The following HERC1 variants were observed in gnomAD, a reference collection of about 807,000 sequenced individuals.
HERC1 encodes the protein HECT and RLD domain containing E3 ubiquitin protein ligase family member 1.
HERC1 carries 160 observed loss-of-function variants against 554.3 expected under a neutral mutation model. That is an observed-to-expected ratio of 0.29 (90% CI 0.25 to 0.33). HERC1 has a LOEUF of 0.33. HERC1 is among the 10% of genes least tolerant of loss of function. The pLI is 1.00. For synonymous variants in HERC1, 2,175 were observed against 2,131.7 expected (o/e 1.02, Z -0.56); for missense variants, 4,919 against 5,918.5 (o/e 0.83, Z 5.54).
rs992901474 is a variant in HERC1 at position 63,718,186 on chromosome 15, T to C, written c.3978+388A>G. Among the ~76,000 whole-genome samples the C allele has an allele frequency of 2.6e-5, 4 of 152,064 alleles. No individual in the cohort carries two copies. Among genetic ancestry groups the C allele is most frequent in the Non-Finnish European group, 5.9e-5 (4 of 68,006 alleles). On this transcript the variant is annotated intron_variant, in intron 21 of 77. Transcript: ENST00000443617. This position sits in a 1 kb window ranked among gnomAD's most constrained non-coding sequence, Gnocchi z 4.2. ...TTTTTGATACTTTCTAGTCCTTCTA[T>C]GACATAATTTTTGGACTTTATCAAT...
In HERC1 at chr15:63,626,121, T is replaced by C. The variant is rs2068291084; in HGVS notation, c.13139A>G (p.Asp4380Gly). The change falls in exon 71 of 78, where the codon GAC becomes GGC. Residue 4380 changes from aspartate (D) to glycine (G), a missense_variant. Coordinates refer to ENST00000443617, the MANE Select transcript of HERC1 (RefSeq NM_003922.4). ...CGCCCCATACTGGGGGGGCACTGTG[T>C]CAGGCAGGCCCAGCTGCAGAGGTAC... Reference protein sequence around the residue: ...VSVPLQLGLPDTVPPQYGALR... With the variant: ...VSVPLQLGLPGTVPPQYGALR... 6.2e-7 allele frequency: 1 copy of C among 1,613,698 alleles called. No homozygotes were observed. Among genetic ancestry groups the C allele is most frequent in the Non-Finnish European group, 8.5e-7 (1 of 1,179,782 alleles).
rs1194618284 is a variant in HERC1 at position 63,622,839 on chromosome 15, G to A, written c.13664C>T (p.Ala4555Val). The A allele has an allele frequency of 6.2e-7, 1 of 1,607,474 alleles. No individual in the cohort carries two copies. Among genetic ancestry groups the A allele is most frequent in the Admixed American group, 1.7e-5 (1 of 58,946 alleles). Residue 4555 changes from alanine to valine, a missense_variant, in exon 74 of 78, where the codon GCA becomes GTA. Around this residue, in one of 11 missense-constraint regions of HERC1, gnomAD observed 284 missense variants for 294.1 expected, o/e 0.97. Coordinates refer to ENST00000443617, the MANE Select transcript of HERC1 (RefSeq NM_003922.4). ...CCTGTCCCTATTGTAACCCACTTCT[G>A]CGGTGGCATTGGGAGAGGGTATAAG... ...DLLIPSPNATAEVGYNRDRFL... is the reference protein window; with the variant it reads ...DLLIPSPNATVEVGYNRDRFL...
rs753117945 is a variant in HERC1 at position 63,630,498 on chromosome 15, C to T, written c.12934G>A (p.Val4312Met). 4 of 1,613,936 alleles carry T rather than the reference C, an allele frequency of 2.5e-6. No homozygotes were observed. The highest frequency in any genetic ancestry group is 3.4e-6 in the Non-Finnish European group (4 of 1,179,852). ...HTLALASNGD[V>M]YAWGSNSEGQ... Reference sequence around the variant, plus strand: ...TCTGAATTGCTCCCCCAGGCATACACATCTCCATTTGATGCCAAAGCAAGT... The same window carrying T: ...TCTGAATTGCTCCCCCAGGCATACATATCTCCATTTGATGCCAAAGCAAGT... The change falls in exon 69 of 78, where the codon GTG becomes ATG. Residue 4312 changes from valine to methionine, a missense_variant. Val to Met is a conservative substitution (Grantham distance 21). This residue lies in a region of HERC1 where 410 missense variants were observed against 467.0 expected (regional missense o/e 0.88). Transcript: ENST00000443617.
Position 63,698,779 on chromosome 15 carries a change from T to G in HERC1, c.4854A>C (p.Thr1618=). ...TTGCAATGATGGAGGCCTGGGGACT[T>G]GTAGACATACTTTCCTCTGGCTCTT... is the stretch of plus-strand genomic sequence containing the variant. ...GFKEPEESMS[T]SPQASIIAME... Residue 1618 remains threonine, a synonymous_variant, in exon 26 of 78, where the codon ACA becomes ACC. Coordinates refer to ENST00000443617, the MANE Select transcript of HERC1 (RefSeq NM_003922.4). 1 of 1,613,922 alleles carries G rather than the reference T, an allele frequency of 6.2e-7. No homozygotes were observed. Among genetic ancestry groups the G allele is most frequent in the Admixed American group, 1.7e-5 (1 of 60,010 alleles).
chr15:63,662,163 T>C, intron 44 of HERC1, 142 bp from the exon 45 acceptor site: 1 of 933,734 alleles, frequency 1.1e-6, no homozygotes, highest in Non-Finnish European at 1.5e-6. Context: ...ATAAAAAATT[T>C]CTTTCAAATC....
At chr15:63,650,288 C>T (rs1219433968) in intron 53 of HERC1, among the ~76,000 whole-genome samples, 1 of 152,100 alleles carries the variant, frequency 6.6e-6, no homozygotes, top group Admixed American at 6.5e-5. Context: ...CGCCTGTAGT[C>T]CCAGCTACCT....
rs375701308 is a variant in HERC1 at position 63,716,457 on chromosome 15, T to A, written c.3995A>T (p.Asp1332Val). The A allele has an allele frequency of 6.2e-7, 1 of 1,601,890 alleles. No homozygotes were observed. Among genetic ancestry groups the A allele is most frequent in the African/African-American group, 1.3e-5 (1 of 74,112 alleles). The change falls in exon 22 of 78, where the codon GAC becomes GTC. Residue 1332 changes from aspartate to valine, a missense_variant. Asp to Val is a radical substitution (Grantham distance 152). Coordinates refer to ENST00000443617, the MANE Select transcript of HERC1 (RefSeq NM_003922.4). ...CTCCTGAGGATCAACATCTGCAGAG[T>A]CCTGGTTTTCTGATATCTTAAAGAA... ...SRDRWISENQ[D>V]SADVDPQEHS...
intron 53 of HERC1, 25 bp downstream of exon 53, chr15:63,651,228 T>C (rs1566973651): frequency 1.2e-6 from 2 of 1,611,202 alleles, no homozygotes; most frequent in Non-Finnish European, 1.7e-6. Context: ...TTTCAGCAGT[T>C]TACTAGTGTT....
intron 1 of HERC1, among the ~76,000 whole-genome samples, chr15:63,809,282 A>T (rs556378103): frequency 5.9e-5 from 9 of 152,318 alleles, no homozygotes; most frequent in Non-Finnish European, 1.2e-4. Context: ...ACCAAGGGTC[A>T]GTCCTATTTG....
Position 63,656,357 on chromosome 15 carries a change from C to A in HERC1, c.9601G>T (p.Gly3201Cys). The A allele has an allele frequency of 3.1e-6, 5 of 1,604,382 alleles. No individual in the cohort carries two copies. Among genetic ancestry groups the A allele is most frequent in the Non-Finnish European group, 4.3e-6 (5 of 1,173,354 alleles). Residue 3201 changes from glycine (G) to cysteine (C), a missense_variant and splice_region_variant, in exon 49 of 78, where the codon GGT becomes TGT. Physicochemically the swap from Gly to Cys is radical, Grantham distance 159 (BLOSUM62 -3). This residue lies in a region of HERC1 where 1,963 missense variants were observed against 2,228.6 expected (regional missense o/e 0.88). Transcript: ENST00000443617. ...CCAGCAGCCAGGCTACAACTGGAACCACTGCCAGTAAAGAAAAACATCTCA... is the reference window on the plus strand; with the variant it reads ...CCAGCAGCCAGGCTACAACTGGAACAACTGCCAGTAAAGAAAAACATCTCA... ...MRALSLLSVSGSSCSLAAGLE... is the reference protein window; with the variant it reads ...MRALSLLSVSCSSCSLAAGLE...
At chr15:63,739,195 C>CTTT (rs1205943240) in intron 12 of HERC1, among the ~76,000 whole-genome samples, 42,455 of 101,908 alleles carry the variant, frequency 0.42, 10,959 homozygotes, top group Non-Finnish European at 0.51. Context: ...CACTAATATA[C>CTTT]TTTTTTTTTT....
At chr15:63,745,150 T>C (rs554937852) in intron 12 of HERC1, among the ~76,000 whole-genome samples, 1 of 152,276 alleles carries the variant, frequency 6.6e-6, no homozygotes, top group East Asian at 1.9e-4. Flanking sequence ...TCCTGCCCAC[T>C]CTTCCCTCTC....
chr15:63,726,540 T>C (rs2074047768), intron 17 of HERC1, among the ~76,000 whole-genome samples: 2 of 152,296 alleles, frequency 1.3e-5, no homozygotes, highest in East Asian at 3.9e-4. Context: ...AGAGATTTTT[T>C]AAAACCATGA....
Position 63,733,101 on chromosome 15 carries a change from G to C in HERC1, c.2691C>G (p.Thr897=), listed in dbSNP as rs755396362. 8 of 1,613,718 alleles carry C rather than the reference G, an allele frequency of 5.0e-6. No individual in the cohort carries two copies. The South Asian group carries it at 6.6e-5, about 13-fold the overall frequency. The change falls in exon 14 of 78, where the codon ACC becomes ACG. Residue 897 remains threonine (T), a synonymous_variant. Transcript: ENST00000443617. ...DIILTSLQDH[T]HVASLLGYSS... ...TATAGCCAAGTAGGGAGGCTACGTG[G>C]GTATGATCTTGCAAACTTGTCAGGA...
At chr15:63,831,880 T>A (rs1159562962) in intron 1 of HERC1, among the ~76,000 whole-genome samples, 2 of 152,186 alleles carry the variant, frequency 1.3e-5, no homozygotes, top group Admixed American at 6.5e-5. Flanking sequence ...CCATGCAACA[T>A]CAGGGTGCCT....
chr15:63,743,074 T>G (rs1015662812), intron 12 of HERC1, among the ~76,000 whole-genome samples: 1 of 152,078 alleles, frequency 6.6e-6, no homozygotes, highest in African/African-American at 2.4e-5. Flanking sequence ...CTTTAAATAT[T>G]TTGTGGAATT....
At chr15:63,789,920 A>G (rs1318036355) in intron 1 of HERC1, among the ~76,000 whole-genome samples, 1 of 152,124 alleles carries the variant, frequency 6.6e-6, no homozygotes, top group Non-Finnish European at 1.5e-5. Context: ...GCTAAATACT[A>G]GAAAGAAGAT....
Position 63,612,282 on chromosome 15 carries a change from G to A in HERC1, c.14369C>T (p.Ser4790Phe). 2 of 1,611,124 alleles carry A rather than the reference G, an allele frequency of 1.2e-6. No individual in the cohort carries two copies. The highest frequency in any genetic ancestry group is 1.7e-6 in the Non-Finnish European group (2 of 1,177,518). ...AACCTTCATGATTTGAAATCTCTGA[G>A]AAATGTCAGCAGTGTTGGCTGGTAG... ...SRLPANTADI[S>F]QRFQIMKVDR... The change falls in exon 77 of 78, where the codon TCT becomes TTT. Residue 4790 changes from serine to phenylalanine, a missense_variant. Physicochemically the swap from Ser to Phe is radical, Grantham distance 155 (BLOSUM62 -2). Transcript: ENST00000443617. This position sits in a 1 kb window ranked among gnomAD's most constrained non-coding sequence, Gnocchi z 5.0.
At chr15:63,671,373 T>TA (rs35097725) in intron 39 of HERC1, among the ~76,000 whole-genome samples, 24,581 of 141,742 alleles carry the variant, frequency 0.17, 2,212 homozygotes, top group Middle Eastern at 0.22. Context: ...AGCTGTCTCT[T>TA]AAAAAAAAAA....
Sources: gnomAD v4.1 joint callset for allele counts (sites outside exome capture counted in the v4.1 genomes callset) on GRCh38, gnomAD v4.1.1 for gene constraint, gnomAD v4.1.1 regional missense constraint, Gnocchi (gnomAD v3.1) non-coding constraint, MANE v1.5 for transcripts, NCBI Gene and HGNC (gene_info 2026-07-23, HGNC 2026-07-21) for gene names.